MTERF4: variants seen among roughly 807,000 people sequenced by gnomAD.
MTERF4 encodes the protein transcription termination factor 4, mitochondrial.
Under a neutral mutation model 22.5 loss-of-function variants are expected in MTERF4, and 17 were observed. The observed-to-expected ratio is 0.75, with a 90% CI of 0.52 to 1.13. MTERF4 has a LOEUF of 1.13. MTERF4 is among the 50% of genes most tolerant of loss of function. The probability of loss-of-function intolerance (pLI) is 0.00; values close to 1 mark genes in which losing one functional copy is unlikely to be tolerated. For missense variants in MTERF4, 420 were observed against 466.8 expected, an observed-to-expected ratio of 0.90 and a Z score of 0.92; for synonymous variants, 165 against 175.3, an observed-to-expected ratio of 0.94 and a Z score of 0.47.
intron 1 of MTERF4, chr2:241,101,109 T>A (rs1165272044): frequency 2.2e-6 from 1 of 458,034 alleles, no homozygotes; most frequent in Non-Finnish European, 4.6e-6. Flanking sequence ...TGTTGTGCAC[T>A]TTATTTCTGT....
the MTERF4 span, chr2:241,063,747 G>A: frequency 7.4e-7 from 1 of 1,354,454 alleles, no homozygotes; most frequent in Non-Finnish European, 1.0e-6. Flanking sequence ...CTGGGCCTCT[G>A]GAAGATCAGA....
chr2:241,049,115 C>G, the MTERF4 span: 7 of 1,611,692 alleles, frequency 4.3e-6, no homozygotes, highest in African/African-American at 8.0e-5. Context: ...GTCTGCCACA[C>G]CGACCACAAT....
chr2:241,049,837 T>C, the MTERF4 span: 1 of 1,613,660 alleles, frequency 6.2e-7, no homozygotes, highest in Non-Finnish European at 8.5e-7. Flanking sequence ...ACCCTGCGAC[T>C]CGGACCCCTG....
chr2:241,076,445 ATATT>A (rs1312406443), intron 4 of MTERF4, among the ~76,000 whole-genome samples: 12 of 152,218 alleles, frequency 7.9e-5, no homozygotes, highest in African/African-American at 2.4e-5. Flanking sequence ...TGGAGTATAG[ATATT>A]TATTTGACCT....
downstream of MTERF4, among the ~76,000 whole-genome samples, chr2:241,067,487 A>G (rs1038021976): frequency 8.5e-5 from 13 of 152,232 alleles, no homozygotes; most frequent in African/African-American, 3.1e-4. Flanking sequence ...TGCCACATCT[A>G]AATGGAGACT....
the MTERF4 span, among the ~76,000 whole-genome samples, chr2:241,066,860 C>T: frequency 6.6e-6 from 1 of 152,152 alleles, no homozygotes; most frequent in African/African-American, 2.4e-5. Flanking sequence ...CAGCTTGAGC[C>T]CACCCAGAGG....
chr2:241,098,282 G>GT (rs1203276130), intron 2 of MTERF4, among the ~76,000 whole-genome samples: 1 of 152,222 alleles, frequency 6.6e-6, no homozygotes, highest in Non-Finnish European at 1.5e-5. Context: ...AGATTACACT[G>GT]TAAGAATCTG....
the MTERF4 span, chr2:241,064,726 G>GC: frequency 2.9e-6 from 2 of 679,836 alleles, no homozygotes; most frequent in African/African-American, 3.8e-5. The surrounding 1 kb of genome is among the most constrained non-coding windows in gnomAD (Gnocchi z 7.0). Context: ...GCTGTCCTGT[G>GC]CCCCCCGCCC....
At chr2:241,058,501 T>C in the MTERF4 span, among the ~76,000 whole-genome samples, 12 of 152,176 alleles carry the variant, frequency 7.9e-5, no homozygotes, top group South Asian at 4.1e-4. Flanking sequence ...AAATTAGTTC[T>C]TTGAAAAGCC....
chr2:241,077,679 G>C (rs2063094495), intron 4 of MTERF4, among the ~76,000 whole-genome samples: 1 of 152,166 alleles, frequency 6.6e-6, no homozygotes, highest in South Asian at 2.1e-4. Flanking sequence ...AATTCAGACA[G>C]GGGCAAAGGA....
At chr2:241,087,621 G>T (rs1057471124), downstream of MTERF4, 5 of 1,440,006 alleles carry the variant, frequency 3.5e-6, no homozygotes, top group African/African-American at 7.2e-5. Flanking sequence ...GGGCAGCCAC[G>T]TTCTGCTACG....
At chr2:241,091,070 A>C (rs186388924), downstream of MTERF4, among the ~76,000 whole-genome samples, 136 of 152,270 alleles carry the variant, frequency 8.9e-4, no homozygotes, top group Middle Eastern at 3.4e-3. This position sits in a 1 kb window ranked among gnomAD's most constrained non-coding sequence, Gnocchi z 4.1. Context: ...GTATCTTTTT[A>C]AATGCTTGCC....
rs373154014 is a variant in MTERF4 at position 241,097,722 on chromosome 2, C to T, written c.521-295G>A. On this transcript the variant is annotated intron_variant, in intron 2 of 3. Transcript: ENST00000391980. ...TGTATTTTGGGTCTCCTCTTGCCCT[C>T]CTCACTTGGAAAAGAATTTCCCAGG... Among the ~76,000 whole-genome samples the T allele has an allele frequency of 3.0e-4, 45 of 152,298 alleles. No homozygotes were observed. In the East Asian group the frequency reaches 8.1e-3, roughly 27 times the overall value.
chr2:241,060,394 G>A, the MTERF4 span, among the ~76,000 whole-genome samples: 1 of 152,130 alleles, frequency 6.6e-6, no homozygotes, highest in Non-Finnish European at 1.5e-5. Context: ...TGTTGGCCAG[G>A]CTGGTCTTGA....
chr2:241,087,696 G>A (rs1246587051), downstream of MTERF4: 7 of 1,366,970 alleles, frequency 5.1e-6, no homozygotes, highest in Non-Finnish European at 6.6e-6. Context: ...CATGCTGGGT[G>A]CTGGGGGGGG....
the MTERF4 span, among the ~76,000 whole-genome samples, chr2:241,046,828 G>A: frequency 6.6e-6 from 1 of 152,122 alleles, no homozygotes; most frequent in Non-Finnish European, 1.5e-5. Context: ...TTGAAAGCAC[G>A]TGAAGAAACT....
At chr2:241,051,746 C>T in the MTERF4 span, 24 of 1,489,568 alleles carry the variant, frequency 1.6e-5, no homozygotes, top group Admixed American at 1.2e-4. This position sits in a 1 kb window ranked among gnomAD's most constrained non-coding sequence, Gnocchi z 4.7. Context: ...CCACACAGCC[C>T]GGCCACACCT....
rs894103442 is a variant in MTERF4, at chr2:241,095,704, A to C, written c.*294T>G. The stretch of plus-strand genomic sequence containing the variant: ...TTCAAAAGAGAAAAAAATAAAACCA[A>C]TTGTTGATATATTGAGTCCCCTTGA... On this transcript the variant is annotated 3_prime_UTR_variant, in exon 4 of 4. Coordinates refer to ENST00000391980, the MANE Select transcript of MTERF4 (RefSeq NM_182501.4). 5 of 368,152 alleles carry C rather than the reference A, an allele frequency of 1.4e-5. No homozygotes were observed. Among genetic ancestry groups the C allele is most frequent in the African/African-American group, 1.0e-4 (5 of 47,904 alleles). The allele number at this position is 368,152 out of a possible 1,614,324, so 22.8% of individuals were successfully genotyped here.
At chr2:241,053,176 G>A in the MTERF4 span, 84 of 1,610,918 alleles carry the variant, frequency 5.2e-5, no homozygotes, top group Non-Finnish European at 7.0e-5. Flanking sequence ...CCCCCCGGAG[G>A]AGGTGAAGCA....
Sources: gnomAD v4.1 joint callset for allele counts (sites outside exome capture counted in the v4.1 genomes callset) on GRCh38, gnomAD v4.1.1 for gene constraint, Gnocchi (gnomAD v3.1) non-coding constraint, MANE v1.5 for transcripts, NCBI Gene and HGNC (gene_info 2026-07-23, HGNC 2026-07-21) for gene names.